The following JPH1 variants were observed in gnomAD, a reference collection of about 807,000 sequenced individuals.
JPH1 encodes the protein junctophilin-1.
A neutral mutation model predicts 53.6 loss-of-function variants in JPH1; 12 were observed. That is an observed-to-expected ratio of 0.22 (90% CI 0.14 to 0.36). The LOEUF is 0.36. Ranked by LOEUF, JPH1 falls within the 10% of genes least tolerant of loss-of-function variation. JPH1 has a pLI of 1.00. For missense variants in JPH1, 808 were observed against 905.5 expected (o/e 0.89, Z 1.38); for synonymous variants, 375 against 363.8 (o/e 1.03, Z -0.35).
chr8:74,271,231 G>C (rs182273534), intron 2 of JPH1, among the ~76,000 whole-genome samples: 18 of 152,280 alleles, frequency 1.2e-4, no homozygotes, highest in South Asian at 1.0e-3. Context: ...GGTAGGGGTA[G>C]GGAAAGCTAC....
At chr8:74,312,954 T>C (rs1808038757) in intron 2 of JPH1, among the ~76,000 whole-genome samples, 1 of 152,232 alleles carries the variant, frequency 6.6e-6, no homozygotes, top group African/African-American at 2.4e-5. Context: ...GAAATAATAC[T>C]ACCCCCAAAA....
Position 74,321,349 on chromosome 8 carries a change from C to G in JPH1, c.-62G>C. 7.0e-7 allele frequency: 1 copy of G among 1,430,718 alleles called. No homozygotes were observed. Among genetic ancestry groups the G allele is most frequent in the Non-Finnish European group, 9.1e-7 (1 of 1,094,416 alleles). The allele number at this position is 1,430,718 out of a possible 1,614,324, so 88.6% of individuals were successfully genotyped here. A position where few individuals can be genotyped will look rare whatever the true frequency, so the allele number is the denominator to read the frequency against. ...CGGACGCGGGCAGTGCTGGGCACGG[C>G]AGGGTGTAGCTCGGGGGTGGGGGCC... On this transcript the variant is annotated 5_prime_UTR_variant, in exon 1 of 6. Coordinates refer to ENST00000342232, the MANE Select transcript of JPH1 (RefSeq NM_020647.4). The surrounding 1 kb of genome is among the most constrained non-coding windows in gnomAD (Gnocchi z 4.3).
chr8:74,275,555 T>C (rs1029017455), intron 2 of JPH1, among the ~76,000 whole-genome samples: 1 of 152,240 alleles, frequency 6.6e-6, no homozygotes, highest in Non-Finnish European at 1.5e-5. Context: ...TTTCTTTTTC[T>C]AAGATGTTTC....
At chr8:74,307,227 T>C (rs1807864677) in intron 2 of JPH1, among the ~76,000 whole-genome samples, 1 of 152,230 alleles carries the variant, frequency 6.6e-6, no homozygotes, top group South Asian at 2.1e-4. Flanking sequence ...CTATCAACTT[T>C]CACTTGTGAA....
At chr8:74,281,008 G>A (rs1046304546) in intron 2 of JPH1, among the ~76,000 whole-genome samples, 1 of 152,186 alleles carries the variant, frequency 6.6e-6, no homozygotes, top group Non-Finnish European at 1.5e-5. Flanking sequence ...GACTAAACCT[G>A]AGTGTGTTCA....
chr8:74,258,308 C>A (rs1287530394), intron 3 of JPH1, among the ~76,000 whole-genome samples: 4 of 152,024 alleles, frequency 2.6e-5, no homozygotes, highest in Non-Finnish European at 5.9e-5. Flanking sequence ...TCTGTTGATG[C>A]CTCAAACAAT....
chr8:74,275,568 T>C (rs1008871793), intron 2 of JPH1, among the ~76,000 whole-genome samples: 9 of 152,224 alleles, frequency 5.9e-5, no homozygotes, highest in South Asian at 2.1e-4. Flanking sequence ...GATGTTTCTT[T>C]AAGCTCATTC....
intron 3 of JPH1, among the ~76,000 whole-genome samples, chr8:74,246,565 C>G (rs907636033): frequency 3.3e-5 from 5 of 150,398 alleles, no homozygotes; most frequent in African/African-American, 1.2e-4. Context: ...GTGTTATTAT[C>G]CCCATTTTAC....
Position 74,245,012 on chromosome 8 carries a change from G to A in JPH1, c.1422C>T (p.His474=), listed in dbSNP as rs777783295. 5 of 1,613,986 alleles carry A rather than the reference G, an allele frequency of 3.1e-6. No homozygotes were observed. The South Asian group carries it at 3.3e-5, about 11-fold the overall frequency. The change falls in exon 4 of 6, where the codon CAC becomes CAT. Residue 474 remains histidine, a synonymous_variant. Coordinates refer to ENST00000342232, the MANE Select transcript of JPH1 (RefSeq NM_020647.4). ...GGGGCTTTGGGGAGGAAGCAGGAGA[G>A]TGGCTGTGTTTGGGACTTGCCTCAG... is the stretch of plus-strand genomic sequence containing the variant. ...RSPEASPKHS[H]SPASSPKPLK...
chr8:74,263,305 TG>T (rs1806445805), intron 2 of JPH1, among the ~76,000 whole-genome samples: 2 of 152,250 alleles, frequency 1.3e-5, no homozygotes, highest in African/African-American at 4.8e-5. Context: ...CTGATTTTGA[TG>T]TTTTTAAAAA....
At chr8:74,255,220 G>C (rs1345274532) in intron 3 of JPH1, among the ~76,000 whole-genome samples, 1 of 152,058 alleles carries the variant, frequency 6.6e-6, no homozygotes, top group Non-Finnish European at 1.5e-5. Context: ...GAACAGAACA[G>C]AGCCCTCAGA....
intron 2 of JPH1, among the ~76,000 whole-genome samples, chr8:74,272,742 T>G (rs998671369): frequency 4.6e-5 from 7 of 151,914 alleles, no homozygotes; most frequent in Non-Finnish European, 8.8e-5. Context: ...TAGCTGGGAC[T>G]ACAGGCGCGC....
At chr8:74,256,533 A>T (rs1341849859) in intron 3 of JPH1, among the ~76,000 whole-genome samples, 1 of 72,162 alleles carries the variant, frequency 1.4e-5, no homozygotes, top group Non-Finnish European at 2.6e-5. Context: ...CCTAAAACTT[A>T]AAAAAAAAAA....
intron 2 of JPH1, among the ~76,000 whole-genome samples, chr8:74,303,822 T>A (rs1586770076): frequency 6.6e-6 from 1 of 152,096 alleles, no homozygotes; most frequent in Non-Finnish European, 1.5e-5. Flanking sequence ...GCAGCCAGAG[T>A]GATCTTTCTA....
intron 2 of JPH1, among the ~76,000 whole-genome samples, chr8:74,298,077 T>G (rs1807572455): frequency 6.6e-6 from 1 of 152,222 alleles, no homozygotes; most frequent in Non-Finnish European, 1.5e-5. Flanking sequence ...CTGTTATAAA[T>G]GCCAGTGCCA....
chr8:74,316,140 C>T (rs1586779986), intron 1 of JPH1, among the ~76,000 whole-genome samples: 1 of 152,092 alleles, frequency 6.6e-6, no homozygotes. Flanking sequence ...ATCAAATGAA[C>T]GTCTTAAATT....
chr8:74,274,769 G>GA (rs1433797409), intron 2 of JPH1, among the ~76,000 whole-genome samples: 4 of 152,142 alleles, frequency 2.6e-5, no homozygotes, highest in African/African-American at 9.7e-5. Context: ...CCTCTATCAT[G>GA]AAAAATCAGA....
intron 2 of JPH1, among the ~76,000 whole-genome samples, chr8:74,292,502 G>A (rs1013828022): frequency 6.6e-6 from 1 of 152,162 alleles, no homozygotes; most frequent in African/African-American, 2.4e-5. Flanking sequence ...TTCTTCTGAT[G>A]CCATTTTGCA....
At chr8:74,303,569 A>G (rs1444264977) in intron 2 of JPH1, among the ~76,000 whole-genome samples, 1 of 152,102 alleles carries the variant, frequency 6.6e-6, no homozygotes, top group African/African-American at 2.4e-5. Context: ...CACTTAGATC[A>G]CTAGTTAGCA....
Sources: allele counts gnomAD v4.1 joint callset (sites outside exome capture counted in the v4.1 genomes callset), GRCh38; gene constraint gnomAD v4.1.1; non-coding constraint Gnocchi (gnomAD v3.1); transcripts MANE v1.5; gene names NCBI Gene and HGNC (gene_info 2026-07-23, HGNC 2026-07-21).